The following MRTFB variants were observed in gnomAD, a reference collection of about 807,000 sequenced individuals.
MRTFB encodes myocardin related transcription factor B.
Under a neutral mutation model 104.2 loss-of-function variants are expected in MRTFB, and 29 were observed. That is an observed-to-expected ratio of 0.28 (90% CI 0.21 to 0.38). The LOEUF (loss-of-function observed/expected upper bound fraction) is 0.38, where lower values mean the gene tolerates loss of function less well. MRTFB is among the 10% of genes least tolerant of loss of function. MRTFB has a pLI of 1.00. For missense variants in MRTFB, 1,270 were observed against 1,341.6 expected (o/e 0.95, Z 0.83); for synonymous variants, 535 against 519.5 (o/e 1.03, Z -0.41).
At chr16:14,240,178 A>G (rs1382999592) in intron 9 of MRTFB, 59 bp from the exon 10 acceptor site, 2 of 1,520,768 alleles carry the variant, frequency 1.3e-6, no homozygotes, top group Non-Finnish European at 1.8e-6. Context: ...GTCACGCAGT[A>G]CAAAAGATTT....
the MRTFB span, among the ~76,000 whole-genome samples, chr16:14,044,383 G>A: frequency 6.6e-6 from 1 of 152,246 alleles, no homozygotes; most frequent in Non-Finnish European, 1.5e-5. Context: ...TGTGACCTTT[G>A]TCATGCTATT....
chr16:14,000,835 C>T, the MRTFB span, among the ~76,000 whole-genome samples: 4 of 152,244 alleles, frequency 2.6e-5, no homozygotes, highest in African/African-American at 7.2e-5. Context: ...GTGGCTGGGA[C>T]GACACAGTGT....
chr16:14,052,739 C>CAAAAAA, the MRTFB span, among the ~76,000 whole-genome samples: 1 of 74,768 alleles, frequency 1.3e-5, no homozygotes, highest in Admixed American at 1.5e-4. Context: ...AACTCCATCT[C>CAAAAAA]AAAAAAAAAA....
At chr16:14,204,560 T>C (rs905295654) in intron 3 of MRTFB, among the ~76,000 whole-genome samples, 1 of 152,174 alleles carries the variant, frequency 6.6e-6, no homozygotes, top group African/African-American at 2.4e-5. Context: ...TAGAGCAAAT[T>C]CAAAACACCT....
chr16:14,148,893 A>C (rs1277867957), intron 3 of MRTFB, among the ~76,000 whole-genome samples: 1 of 152,228 alleles, frequency 6.6e-6, no homozygotes, highest in Admixed American at 6.5e-5. Context: ...CAGGAACAGA[A>C]AGAATGGAAG....
At chr16:14,092,711 A>G (rs527639160) in intron 2 of MRTFB, 4 of 152,338 alleles carry the variant, frequency 2.6e-5, no homozygotes, top group Admixed American at 6.5e-5. Context: ...AACTTTGGAT[A>G]TGATTTCAGA....
At chr16:14,053,090 T>C in the MRTFB span, among the ~76,000 whole-genome samples, 3 of 152,126 alleles carry the variant, frequency 2.0e-5, no homozygotes, top group Non-Finnish European at 4.4e-5. Context: ...TGTTCCATTG[T>C]ATATATACAT....
intron 3 of MRTFB, among the ~76,000 whole-genome samples, chr16:14,178,444 T>C (rs537035054): frequency 6.6e-6 from 1 of 152,354 alleles, no homozygotes; most frequent in East Asian, 1.9e-4. Context: ...GACTTCATAC[T>C]GGATTTGGTA....
chr16:14,076,294 C>T (rs1290221148), intron 1 of MRTFB, among the ~76,000 whole-genome samples: 1 of 151,986 alleles, frequency 6.6e-6, no homozygotes, highest in Admixed American at 6.6e-5. Context: ...CAGGTTCAAG[C>T]GATTCTCCTG....
At chr16:14,079,125 G>A (rs1238387650) in intron 1 of MRTFB, among the ~76,000 whole-genome samples, 165 bp from the exon 2 acceptor site, 1 of 152,120 alleles carries the variant, frequency 6.6e-6, no homozygotes, top group Non-Finnish European at 1.5e-5. Context: ...AAAAGTTTTA[G>A]TTACATTTTC....
In MRTFB at chr16:14,262,962, A is replaced by T. The variant is rs925668947; in HGVS notation, c.*1518A>T. ...GGAGGCAGCCTGACCCGTTATTTGG[A>T]AAGAATTTGTGAATTATTTCTGGGT... On this transcript the variant is annotated 3_prime_UTR_variant, in exon 17 of 17. Transcript: ENST00000571589. 6.6e-6 allele frequency: 1 copy of T among 152,612 alleles called. No homozygotes were observed. 9.5% of individuals were successfully genotyped at this position (152,612 alleles called of 1,614,324 possible).
At chr16:14,029,533 A>ATG in the MRTFB span, among the ~76,000 whole-genome samples, 8 of 122,838 alleles carry the variant, frequency 6.5e-5, no homozygotes, top group Non-Finnish European at 1.3e-4. Flanking sequence ...ACACACACAT[A>ATG]TATATATATA....
intron 8 of MRTFB, among the ~76,000 whole-genome samples, chr16:14,228,812 A>G (rs2042128352): frequency 6.6e-6 from 1 of 152,146 alleles, no homozygotes; most frequent in African/African-American, 2.4e-5. Flanking sequence ...AAATTCAGCC[A>G]GTCACAAAAA....
chr16:14,160,687 GAA>G (rs60056032), intron 3 of MRTFB, among the ~76,000 whole-genome samples: 2 of 145,706 alleles, frequency 1.4e-5, no homozygotes, highest in South Asian at 2.2e-4. Context: ...CTATTCTGAG[GAA>G]AAAAAAAAGC....
intron 2 of MRTFB, among the ~76,000 whole-genome samples, chr16:14,132,928 C>T (rs2037511328): frequency 6.6e-6 from 1 of 152,096 alleles, no homozygotes; most frequent in African/African-American, 2.4e-5. Context: ...CTGTTTATGC[C>T]AGTCGTAGTA....
intron 9 of MRTFB, 116 bp from the exon 10 acceptor site, chr16:14,240,121 C>A (rs1443197958): frequency 1.6e-6 from 2 of 1,214,390 alleles, no homozygotes; most frequent in Non-Finnish European, 2.2e-6. Context: ...TCCAAAGTGG[C>A]TGTACCCGTA....
Position 14,177,234 on chromosome 16 carries a change from T to G in MRTFB, c.155-33009T>G, listed in dbSNP as rs1418788652. On this transcript the variant is annotated intron_variant, in intron 3 of 16. Transcript: ENST00000571589. This position sits in a 1 kb window ranked among gnomAD's most constrained non-coding sequence, Gnocchi z 4.7. ...ACAAAGGTGGACTGACTTAAGGAGA[T>G]AGAGGAGAGGCATGGAAGAGGTTTG... 6.6e-6 allele frequency among the ~76,000 whole-genome samples: 1 copy of G among 152,162 alleles called. No individual in the cohort carries two copies.
At chr16:14,048,795 C>T in the MRTFB span, among the ~76,000 whole-genome samples, 1 of 152,166 alleles carries the variant, frequency 6.6e-6, no homozygotes, top group African/African-American at 2.4e-5. Context: ...TGTACATCCA[C>T]CACCCCCTTT....
the MRTFB span, among the ~76,000 whole-genome samples, chr16:14,040,236 T>C: frequency 8.0e-3 from 1,216 of 152,354 alleles, 12 homozygotes; most frequent in African/African-American, 0.028. Context: ...TATCCATTCC[T>C]CTACTAATGG....
Sources: allele counts gnomAD v4.1 joint callset (sites outside exome capture counted in the v4.1 genomes callset), GRCh38; gene constraint gnomAD v4.1.1; non-coding constraint Gnocchi (gnomAD v3.1); transcripts MANE v1.5; gene names NCBI Gene and HGNC (gene_info 2026-07-23, HGNC 2026-07-21).